Variants in ADAMTS12 observed in about 807,000 individuals in gnomAD.
ADAMTS12 encodes the protein ADAM metallopeptidase with thrombospondin type 1 motif 12, also known as A disintegrin and metalloproteinase with thrombospondin motifs 12.
A neutral mutation model predicts 167.8 loss-of-function variants in ADAMTS12; 118 were observed. The observed-to-expected ratio is 0.70, with a 90% CI of 0.61 to 0.82. The LOEUF (loss-of-function observed/expected upper bound fraction) is 0.82, where lower values mean the gene tolerates loss of function less well. Among genes scored for constraint, ADAMTS12 ranks in the 40% least tolerant of loss-of-function variants. The pLI is 0.00. For synonymous variants in ADAMTS12, 704 were observed against 716.9 expected (o/e 0.98, Z 0.29); for missense variants, 1,916 against 1,998.8 (o/e 0.96, Z 0.79).
chr5:33,663,583 G>A (rs1276615414), intron 5 of ADAMTS12, among the ~76,000 whole-genome samples: 3 of 152,174 alleles, frequency 2.0e-5, no homozygotes, highest in Admixed American at 2.0e-4. Context: ...CATTTTTATT[G>A]TATAATAAGG....
intron 19 of ADAMTS12, among the ~76,000 whole-genome samples, chr5:33,567,253 T>G (rs980392826): frequency 6.6e-6 from 1 of 152,244 alleles, no homozygotes; most frequent in African/African-American, 2.4e-5. Flanking sequence ...CTGTTTGACC[T>G]AGGCTGTCTT....
At chr5:33,586,553 C>T (rs958933554) in intron 18 of ADAMTS12, among the ~76,000 whole-genome samples, 1 of 152,224 alleles carries the variant, frequency 6.6e-6, no homozygotes, top group African/African-American at 2.4e-5. Flanking sequence ...AGACAGGTTA[C>T]TACGCTTCCC....
chr5:33,705,302 T>TGTGCGC (rs1491430613), intron 3 of ADAMTS12, among the ~76,000 whole-genome samples: 110 of 147,644 alleles, frequency 7.5e-4, no homozygotes, highest in African/African-American at 2.6e-3. Context: ...TGTGTGTGTG[T>TGTGCGC]GCGTGTATAC....
At chr5:33,881,024 A>G in intron 2 of ADAMTS12, 95 bp downstream of exon 2, 6 of 1,519,706 alleles carry the variant, frequency 3.9e-6, no homozygotes, top group Non-Finnish European at 5.3e-6. Flanking sequence ...CAACTCCCAT[A>G]TGTCAGTGCA....
chr5:33,622,607 T>TGCA (rs1739388905), intron 14 of ADAMTS12, among the ~76,000 whole-genome samples: 1 of 152,268 alleles, frequency 6.6e-6, no homozygotes, highest in South Asian at 2.1e-4. Context: ...GAGCTGAGAT[T>TGCA]GCAGCACTGC....
chr5:33,802,696 C>T (rs1298287703), intron 2 of ADAMTS12, among the ~76,000 whole-genome samples: 1 of 152,190 alleles, frequency 6.6e-6, no homozygotes, highest in East Asian at 1.9e-4. Context: ...CTAGCCTTCC[C>T]TTTTTAAGAC....
At chr5:33,666,639 C>G (rs771637808) in intron 5 of ADAMTS12, among the ~76,000 whole-genome samples, 10 of 152,088 alleles carry the variant, frequency 6.6e-5, no homozygotes, top group African/African-American at 2.4e-4. Flanking sequence ...ACTACAGGCA[C>G]GCACCACCAT....
chr5:33,663,087 C>T lies in ADAMTS12; in HGVS notation c.916-1047G>A, dbSNP rs76572307. On this transcript the variant is annotated intron_variant, in intron 5 of 23. Transcript: ENST00000504830. Reference sequence around the variant, plus strand: ...TGTTAGAGGCATTTTTAGGTCTCCTCGTCATAAGTAACTATTATAGACCAG... The same window carrying T: ...TGTTAGAGGCATTTTTAGGTCTCCTTGTCATAAGTAACTATTATAGACCAG... 4.1e-3 allele frequency among the ~76,000 whole-genome samples: 629 copies of T among 152,362 alleles called. 3 individuals carry two copies. Among genetic ancestry groups the T allele is most frequent in the African/African-American group, 0.014 (598 of 41,594 alleles).
chr5:33,814,855 C>T (rs765508755), intron 2 of ADAMTS12, among the ~76,000 whole-genome samples: 2 of 152,156 alleles, frequency 1.3e-5, no homozygotes, highest in African/African-American at 2.4e-5. Flanking sequence ...ACTGTGACCT[C>T]GACCAGAGGA....
chr5:33,591,309 A>C (rs1747626936), intron 17 of ADAMTS12, among the ~76,000 whole-genome samples: 1 of 152,084 alleles, frequency 6.6e-6, no homozygotes, highest in Admixed American at 6.5e-5. Context: ...TATATGTTCC[A>C]ACAGCGCTGA....
chr5:33,835,935 CTCTCTCTCTCTCTCTCTCTGTGTG>C (rs1307136697), intron 2 of ADAMTS12, among the ~76,000 whole-genome samples: 33 of 52,660 alleles, frequency 6.3e-4, no homozygotes, highest in Non-Finnish European at 1.2e-3. Context: ...CTCTCTCTCT[CTCTCTCTCTCTCTCTCTCTGTGTG>C]TGTGTGTGTG....
At chr5:33,658,364 C>T in intron 6 of ADAMTS12, 31 bp from the exon 7 acceptor site, 1 of 1,604,330 alleles carries the variant, frequency 6.2e-7, no homozygotes, top group Non-Finnish European at 8.5e-7. Context: ...AGCTAAGGCG[C>T]CCAAAGGAAC....
rs767298930 is a variant in ADAMTS12 at position 33,637,598 on chromosome 5, A to G, written c.1867T>C (p.Trp623Arg). 1.1e-5 allele frequency: 17 copies of G among 1,613,324 alleles called. No individual in the cohort carries two copies. Among genetic ancestry groups the G allele is most frequent in the Non-Finnish European group, 1.3e-5 (15 of 1,179,462 alleles). Reference sequence around the variant, plus strand: ...TTACCTGGGTTAAAAATGGGAAACCAGTGGTAGAGTTCATTCTTGTAGGGA... The same window carrying G: ...TTACCTGGGTTAAAAATGGGAAACCGGTGGTAGAGTTCATTCTTGTAGGGA... ...TVPYKNELYHWFPIFNPAHPC... is the reference protein window; with the variant it reads ...TVPYKNELYHRFPIFNPAHPC... Residue 623 changes from tryptophan (W) to arginine (R), a missense_variant, in exon 12 of 24, where the codon TGG becomes CGG. By Grantham distance (101) the Trp-to-Arg change is moderately radical. Coordinates refer to ENST00000504830, the MANE Select transcript of ADAMTS12 (RefSeq NM_030955.4).
chr5:33,581,830 C>T (rs895212182), intron 18 of ADAMTS12, among the ~76,000 whole-genome samples: 5 of 152,048 alleles, frequency 3.3e-5, no homozygotes, highest in Non-Finnish European at 5.9e-5. Flanking sequence ...CTAATGGTAT[C>T]CACATCAAAA....
chr5:33,653,140 T>C (rs1289907388), intron 7 of ADAMTS12, among the ~76,000 whole-genome samples: 3 of 152,160 alleles, frequency 2.0e-5, no homozygotes, highest in Non-Finnish European at 4.4e-5. Flanking sequence ...TAGCATTAAG[T>C]ATAATATTAG....
chr5:33,657,202 A>T (rs552661467), intron 7 of ADAMTS12, among the ~76,000 whole-genome samples: 1 of 152,360 alleles, frequency 6.6e-6, no homozygotes, highest in Non-Finnish European at 1.5e-5. Flanking sequence ...ATGTTATATT[A>T]GAAAAATGGT....
intron 2 of ADAMTS12, among the ~76,000 whole-genome samples, chr5:33,779,570 A>C (rs1746047814): frequency 2.6e-5 from 4 of 152,206 alleles, no homozygotes; most frequent in Admixed American, 2.6e-4. Flanking sequence ...AATCAACCTA[A>C]GTGCCCATCA....
chr5:33,723,920 G>T (rs1472261858), intron 3 of ADAMTS12, among the ~76,000 whole-genome samples: 1 of 152,196 alleles, frequency 6.6e-6, no homozygotes, highest in Non-Finnish European at 1.5e-5. Flanking sequence ...AAGCTGCCTG[G>T]CCCCTTCAGA....
intron 3 of ADAMTS12, among the ~76,000 whole-genome samples, chr5:33,707,106 T>C (rs1164472946): frequency 4.6e-5 from 7 of 152,126 alleles, no homozygotes; most frequent in African/African-American, 1.4e-4. Context: ...TTCAGCAAAG[T>C]CTCAGGATAC....
Sources: allele counts gnomAD v4.1 joint callset (sites outside exome capture counted in the v4.1 genomes callset), GRCh38; gene constraint gnomAD v4.1.1; transcripts MANE v1.5; gene names NCBI Gene and HGNC (gene_info 2026-07-23, HGNC 2026-07-21).